Variants in DPYD observed in about 807,000 individuals in gnomAD.
The protein encoded by DPYD is dihydropyrimidine dehydrogenase [NADP(+)].
A neutral mutation model predicts 116.2 loss-of-function variants in DPYD; 109 were observed. The ratio of observed to expected loss-of-function variants is 0.94; its 90% confidence interval spans 0.80 to 1.10. The LOEUF (loss-of-function observed/expected upper bound fraction) is 1.10, where lower values mean the gene tolerates loss of function less well. Ranked by LOEUF, DPYD falls within the 50% of genes least tolerant of loss-of-function variation. The pLI is 0.00. For synonymous variants in DPYD, 440 were observed against 432.0 expected (o/e 1.02, Z -0.23); for missense variants, 1,302 against 1,254.5 (o/e 1.04, Z -0.57).
At position 97,373,733 on chromosome 1, in the gene DPYD, G is replaced by A. The variant is rs1671433482; in HGVS notation, c.1975-89C>T. On this transcript the variant is annotated intron_variant, in intron 15 of 22. Coordinates refer to ENST00000370192, the MANE Select transcript of DPYD (RefSeq NM_000110.4). The stretch of plus-strand genomic sequence containing the variant: ...ACCGTTGATAACACAAGTCACATTT[G>A]TCAAGTGTTAACTATTCTGTTTTCT... The A allele has an allele frequency of 2.6e-6, 3 of 1,157,506 alleles. No individual in the cohort carries two copies. The African/African-American group carries it at 4.6e-5, about 18-fold the overall frequency. 71.7% of individuals were successfully genotyped at this position (1,157,506 alleles called of 1,614,324 possible).
At chr1:97,376,799 T>C (rs1671643603) in intron 15 of DPYD, among the ~76,000 whole-genome samples, 1 of 151,852 alleles carries the variant, frequency 6.6e-6, no homozygotes, top group Non-Finnish European at 1.5e-5. Context: ...ACATAGGAAA[T>C]ACACTGTTAC....
At chr1:97,762,390 C>T (rs1271708814) in intron 3 of DPYD, among the ~76,000 whole-genome samples, 1 of 152,000 alleles carries the variant, frequency 6.6e-6, no homozygotes, top group Admixed American at 6.6e-5. Context: ...TCAGAGGATG[C>T]TGTAGAAACT....
At chr1:97,862,201 A>C (rs907136722) in intron 2 of DPYD, among the ~76,000 whole-genome samples, 1 of 151,942 alleles carries the variant, frequency 6.6e-6, no homozygotes, top group Admixed American at 6.6e-5. Context: ...ATAAAACAGA[A>C]AACAGTAAAA....
At chr1:97,532,047 T>A (rs932115399) in intron 12 of DPYD, among the ~76,000 whole-genome samples, 1 of 152,052 alleles carries the variant, frequency 6.6e-6, no homozygotes, top group African/African-American at 2.4e-5. Context: ...TTTGTATGTA[T>A]AAGATCATGT....
At chr1:97,881,430 C>T (rs1672212774) in intron 2 of DPYD, among the ~76,000 whole-genome samples, 1 of 151,982 alleles carries the variant, frequency 6.6e-6, no homozygotes, top group Non-Finnish European at 1.5e-5. Flanking sequence ...CTTCTTGTAG[C>T]ATCCGTAGGT....
chr1:97,697,832 A>G (rs769254279), intron 6 of DPYD, among the ~76,000 whole-genome samples: 3 of 152,086 alleles, frequency 2.0e-5, no homozygotes, highest in Non-Finnish European at 2.9e-5. Flanking sequence ...AGTTACAAAT[A>G]GGGTTGGTTC....
intron 2 of DPYD, among the ~76,000 whole-genome samples, chr1:97,848,257 C>T (rs1670404387): frequency 6.6e-6 from 1 of 152,126 alleles, no homozygotes; most frequent in African/African-American, 2.4e-5. Context: ...GCCACCACGG[C>T]CGGCTAACTT....
chr1:97,647,320 T>C (rs975143922), intron 8 of DPYD, among the ~76,000 whole-genome samples: 3 of 152,034 alleles, frequency 2.0e-5, no homozygotes, highest in Non-Finnish European at 4.4e-5. Context: ...TTATATTTGG[T>C]GGCCCAAAGT....
At chr1:97,646,965 C>T (rs1199591758) in intron 8 of DPYD, among the ~76,000 whole-genome samples, 1 of 152,082 alleles carries the variant, frequency 6.6e-6, no homozygotes, top group Non-Finnish European at 1.5e-5. Context: ...TCTCAGTTCC[C>T]ATACCCATCC....
chr1:97,902,508 T>A (rs1673417133), intron 1 of DPYD, among the ~76,000 whole-genome samples: 1 of 151,856 alleles, frequency 6.6e-6, no homozygotes. Flanking sequence ...TAGGAAAGAT[T>A]ACAGGATGCC....
At chr1:97,396,045 T>C (rs1482896586) in intron 14 of DPYD, among the ~76,000 whole-genome samples, 1 of 151,632 alleles carries the variant, frequency 6.6e-6, no homozygotes, top group Non-Finnish European at 1.5e-5. Flanking sequence ...ATTGTTTCAA[T>C]CCCAAATTTG....
chr1:97,152,412 A>G (rs1570559769), intron 20 of DPYD, among the ~76,000 whole-genome samples: 1 of 150,720 alleles, frequency 6.6e-6, no homozygotes, highest in Middle Eastern at 3.2e-3. Flanking sequence ...TGATGCCTCC[A>G]CTTTGTTAGG....
chr1:97,266,818 T>C (rs1013165532), intron 18 of DPYD, among the ~76,000 whole-genome samples: 1 of 152,128 alleles, frequency 6.6e-6, no homozygotes, highest in African/African-American at 2.4e-5. Context: ...CTCAGAATGA[T>C]GACTTCCAGA....
At chr1:97,872,874 T>C (rs1671728481) in intron 2 of DPYD, among the ~76,000 whole-genome samples, 1 of 151,966 alleles carries the variant, frequency 6.6e-6, no homozygotes, top group African/African-American at 2.4e-5. Context: ...CATGCAGTAC[T>C]GACACCGTTT....
intron 18 of DPYD, among the ~76,000 whole-genome samples, chr1:97,243,170 T>G (rs1662489203): frequency 6.6e-6 from 1 of 151,910 alleles, no homozygotes; most frequent in African/African-American, 2.4e-5. Flanking sequence ...CTCTTCCAAT[T>G]CAAAATCTGG....
intron 18 of DPYD, among the ~76,000 whole-genome samples, chr1:97,289,576 A>G (rs1665987490): frequency 1.3e-5 from 2 of 152,072 alleles, no homozygotes; most frequent in Admixed American, 1.3e-4. Flanking sequence ...AACAGAACCA[A>G]AGACAAAAAC....
In DPYD at chr1:97,346,963, T is replaced by C. The variant is rs1489468581; in HGVS notation, c.2058+26598A>G. On this transcript the variant is annotated intron_variant, in intron 16 of 22. Transcript: ENST00000370192. ...ATTTTATTATTATTATTGAATGCCT[T>C]GGTGATTTGGGGCCTTTTAAACATC... 2.0e-5 allele frequency among the ~76,000 whole-genome samples: 3 copies of C among 151,868 alleles called. No individual in the cohort carries two copies. The East Asian group carries it at 5.8e-4, about 29-fold the overall frequency.
At chr1:97,482,182 A>C (rs1434609814) in intron 13 of DPYD, among the ~76,000 whole-genome samples, 1 of 152,198 alleles carries the variant, frequency 6.6e-6, no homozygotes, top group Admixed American at 6.5e-5. Context: ...ATAAAGACTT[A>C]CTGTCAATCA....
intron 20 of DPYD, among the ~76,000 whole-genome samples, chr1:97,138,038 C>G (rs991151102): frequency 6.6e-6 from 1 of 152,134 alleles, no homozygotes; most frequent in Non-Finnish European, 1.5e-5. Context: ...ATCAGCAGTA[C>G]GGCTTTCACA....
Sources: gnomAD v4.1 joint callset for allele counts (sites outside exome capture counted in the v4.1 genomes callset) on GRCh38, gnomAD v4.1.1 for gene constraint, MANE v1.5 for transcripts, NCBI Gene and HGNC (gene_info 2026-07-23, HGNC 2026-07-21) for gene names.